ABCA13: variants seen among roughly 807,000 people sequenced by gnomAD.
ABCA13 encodes ATP-binding cassette sub-family A member 13.
In ABCA13, 476 loss-of-function variants were observed where a neutral mutation model predicts 478.7. That is an observed-to-expected ratio of 0.99 (90% CI 0.92 to 1.07). The LOEUF (loss-of-function observed/expected upper bound fraction) is 1.07, where lower values mean the gene tolerates loss of function less well. Ranked by LOEUF, ABCA13 falls within the 50% of genes least tolerant of loss-of-function variation. The pLI is 0.00. For missense variants in ABCA13, 6,060 were observed against 5,910.6 expected (o/e 1.03, Z -0.83); for synonymous variants, 2,252 against 2,158.9 (o/e 1.04, Z -1.20).
chr7:48,252,322 G>A (rs190475143), intron 15 of ABCA13, among the ~76,000 whole-genome samples: 3 of 152,022 alleles, frequency 2.0e-5, no homozygotes, highest in South Asian at 2.1e-4. Flanking sequence ...AATTTCTGTC[G>A]GGTTCTTTGT....
chr7:48,350,622 T>C (rs768123084), intron 29 of ABCA13, 21 bp from the exon 30 acceptor site: 1 of 1,604,664 alleles, frequency 6.2e-7, no homozygotes, highest in Non-Finnish European at 8.5e-7. Flanking sequence ...TGATGTGTCC[T>C]AATCTGTTCA....
chr7:48,528,963 C>T (rs1184257974), intron 55 of ABCA13, among the ~76,000 whole-genome samples: 2 of 152,170 alleles, frequency 1.3e-5, no homozygotes, highest in Non-Finnish European at 2.9e-5. Context: ...TACACTCATG[C>T]ATTCCTTTAT....
chr7:48,234,209 A>G (rs1439049793), intron 8 of ABCA13, 58 bp downstream of exon 8: 1 of 1,612,002 alleles, frequency 6.2e-7, no homozygotes, highest in African/African-American at 1.3e-5. Context: ...CTGGATCTAG[A>G]GCATGCTGCT....
chr7:48,546,045 C>A (rs1463151112), intron 55 of ABCA13, among the ~76,000 whole-genome samples: 1 of 151,754 alleles, frequency 6.6e-6, no homozygotes, highest in East Asian at 1.9e-4. Context: ...ATGAGACATT[C>A]ATACTTAGGC....
chr7:48,189,511 C>G (rs1326188211), intron 1 of ABCA13, among the ~76,000 whole-genome samples: 3 of 152,174 alleles, frequency 2.0e-5, no homozygotes, highest in Non-Finnish European at 4.4e-5. Context: ...ATAAAACACT[C>G]TGAGATGTTG....
At chr7:48,194,330 T>C (rs573247412) in intron 2 of ABCA13, among the ~76,000 whole-genome samples, 1 of 152,012 alleles carries the variant, frequency 6.6e-6, no homozygotes, top group Non-Finnish European at 1.5e-5. Flanking sequence ...ATGGTGGAGA[T>C]AATGATGATG....
intron 29 of ABCA13, among the ~76,000 whole-genome samples, chr7:48,350,032 T>A (rs1208978592): frequency 6.6e-6 from 1 of 152,196 alleles, no homozygotes; most frequent in Admixed American, 6.5e-5. Flanking sequence ...ATCCTCAGCC[T>A]TTTGCCCTGA....
At position 48,569,559 on chromosome 7, in the gene ABCA13, C is replaced by T. The variant is rs528182346; in HGVS notation, c.14355-10665C>T. ...GTTTGTTTTTTGATGGAGTGTTGCTCTTTCACCCAGGCTGGAGTGCAGTGG... is the reference window on the plus strand; with the variant it reads ...GTTTGTTTTTTGATGGAGTGTTGCTTTTTCACCCAGGCTGGAGTGCAGTGG... On this transcript the variant is annotated intron_variant, in intron 55 of 61. Transcript: ENST00000435803. Among the ~76,000 whole-genome samples the T allele has an allele frequency of 3.9e-5, 6 of 152,170 alleles. No individual in the cohort carries two copies. The East Asian group carries it at 1.2e-3, about 29-fold the overall frequency.
intron 42 of ABCA13, among the ~76,000 whole-genome samples, chr7:48,449,000 G>A (rs1304530767): frequency 2.6e-5 from 4 of 151,820 alleles, no homozygotes; most frequent in African/African-American, 9.7e-5. Context: ...CCACAACCAC[G>A]CCCAGCTAAT....
intron 27 of ABCA13, among the ~76,000 whole-genome samples, chr7:48,324,349 A>G (rs78639512): frequency 0.018 from 2,778 of 152,210 alleles, 33 homozygotes; most frequent in East Asian, 0.042. Context: ...GTCCACCCCA[A>G]TGACCTCATT....
intron 55 of ABCA13, among the ~76,000 whole-genome samples, chr7:48,535,484 G>A (rs1231930960): frequency 6.6e-6 from 1 of 152,238 alleles, no homozygotes; most frequent in East Asian, 1.9e-4. Context: ...GCATTGGTTG[G>A]CCTCCAGCCA....
intron 31 of ABCA13, among the ~76,000 whole-genome samples, chr7:48,360,958 G>A (rs370172919): frequency 4.7e-4 from 72 of 151,832 alleles, no homozygotes; most frequent in Non-Finnish European, 8.1e-4. Flanking sequence ...TTAGCTGGGC[G>A]TTGTGGTGTG....
intron 31 of ABCA13, among the ~76,000 whole-genome samples, chr7:48,367,380 T>C (rs751538483): frequency 1.3e-5 from 2 of 152,184 alleles, no homozygotes; most frequent in African/African-American, 2.4e-5. Context: ...AGGAAGACTT[T>C]CATTTGCCAA....
At chr7:48,370,550 A>G (rs1011982300) in intron 32 of ABCA13, among the ~76,000 whole-genome samples, 2 of 152,152 alleles carry the variant, frequency 1.3e-5, no homozygotes, top group Non-Finnish European at 2.9e-5. Flanking sequence ...GGCTCAGACC[A>G]TAGTGAAATA....
chr7:48,210,320 T>C (rs1242256676), intron 3 of ABCA13, among the ~76,000 whole-genome samples: 1 of 152,182 alleles, frequency 6.6e-6, no homozygotes, highest in East Asian at 1.9e-4. Context: ...CCCCATGATC[T>C]AATTACCTCC....
At chr7:48,438,612 CT>C (rs1435151068) in intron 42 of ABCA13, among the ~76,000 whole-genome samples, 8 of 141,184 alleles carry the variant, frequency 5.7e-5, no homozygotes, top group African/African-American at 2.1e-4. Context: ...CTTTTCTTGA[CT>C]TTTGCTACCT....
intron 27 of ABCA13, among the ~76,000 whole-genome samples, chr7:48,325,282 A>G (rs1425587878): frequency 6.6e-6 from 1 of 152,146 alleles, no homozygotes; most frequent in Non-Finnish European, 1.5e-5. Flanking sequence ...TGAGCCAAGG[A>G]CTGAGAACCA....
intron 45 of ABCA13, among the ~76,000 whole-genome samples, chr7:48,480,025 C>G (rs1828593265): frequency 6.6e-6 from 1 of 152,180 alleles, no homozygotes; most frequent in Non-Finnish European, 1.5e-5. Flanking sequence ...GAAATGGACC[C>G]TCCCTGGTCT....
At chr7:48,391,784 T>A in intron 37 of ABCA13, 137 bp from the exon 38 acceptor site, 1 of 748,888 alleles carries the variant, frequency 1.3e-6, no homozygotes, top group Non-Finnish European at 2.2e-6. Context: ...ACCTTTTAAC[T>A]GATTGTGTAA....
Sources: gnomAD v4.1 joint callset for allele counts (sites outside exome capture counted in the v4.1 genomes callset) on GRCh38, gnomAD v4.1.1 for gene constraint, MANE v1.5 for transcripts, NCBI Gene and HGNC (gene_info 2026-07-23, HGNC 2026-07-21) for gene names.